NEDD4L: variants seen among roughly 807,000 people sequenced by gnomAD.
The protein encoded by NEDD4L is NEDD4 like E3 ubiquitin protein ligase.
In NEDD4L, 54 loss-of-function variants were observed where a neutral mutation model predicts 148.9. The observed-to-expected ratio is 0.36, with a 90% confidence interval of 0.29 to 0.45. The LOEUF is 0.45. NEDD4L is among the 20% of genes least tolerant of loss of function. The probability of loss-of-function intolerance (pLI) is 1.00; values close to 1 mark genes in which losing one functional copy is unlikely to be tolerated. For synonymous variants in NEDD4L, 433 were observed against 440.7 expected (o/e 0.98, Z 0.22); for missense variants, 856 against 1,233.8 (o/e 0.69, Z 4.59).
chr18:58,234,325 T>C (rs1225926156), intron 2 of NEDD4L, among the ~76,000 whole-genome samples: 1 of 118,020 alleles, frequency 8.5e-6, no homozygotes, highest in Non-Finnish European at 1.7e-5. Context: ...CCTCCCTCCT[T>C]CTCTCCCTCC....
Position 58,302,552 on chromosome 18 carries a change from T to G in NEDD4L, c.298-13430T>G, listed in dbSNP as rs141413006. Among the ~76,000 whole-genome samples, 517 of 152,334 alleles carry G rather than the reference T, an allele frequency of 3.4e-3. 1 individual carries two copies. Among genetic ancestry groups the G allele is most frequent in the Admixed American group, 5.9e-3 (90 of 15,310 alleles). Reference sequence around the variant, plus strand: ...GGCTTTCTGAAAATAACTGTATGCTTTCCAGTTGGCCAGCCTTGGCAGGGA... The same window carrying G: ...GGCTTTCTGAAAATAACTGTATGCTGTCCAGTTGGCCAGCCTTGGCAGGGA... On this transcript the variant is annotated intron_variant, in intron 5 of 30. Transcript: ENST00000400345.
intron 5 of NEDD4L, among the ~76,000 whole-genome samples, chr18:58,286,191 T>C (rs1292714067): frequency 6.6e-6 from 1 of 152,242 alleles, no homozygotes; most frequent in Non-Finnish European, 1.5e-5. Flanking sequence ...TTTGTGTTAA[T>C]GTAAACGTCG....
intron 22 of NEDD4L, among the ~76,000 whole-genome samples, chr18:58,369,139 A>G (rs1168716419): frequency 6.6e-6 from 1 of 152,218 alleles, no homozygotes; most frequent in Non-Finnish European, 1.5e-5. Context: ...CAGAGGAGAA[A>G]GTGACTTGGC....
rs150654426 is a variant in NEDD4L, at chr18:58,123,415, A to C, written c.49-42373A>C. 3.9e-3 allele frequency among the ~76,000 whole-genome samples: 595 copies of C among 152,218 alleles called. 14 individuals are homozygous for C. The highest frequency in any genetic ancestry group is 0.031 in the Admixed American group (481 of 15,294). ...CCGGGCTTTGCCAATCTGTGGACCC[A>C]CCACCTTTTCACCCCCTTTCCGGTG... On this transcript the variant is annotated intron_variant, in intron 1 of 30. Transcript: ENST00000400345.
At chr18:58,359,193 ACATTCT>A (rs1374975527) in intron 19 of NEDD4L, among the ~76,000 whole-genome samples, 1 of 151,880 alleles carries the variant, frequency 6.6e-6, no homozygotes, top group Non-Finnish European at 1.5e-5. Context: ...GTATATAACT[ACATTCT>A]CTTTCTCTGT....
At chr18:58,288,619 G>T (rs1027570708) in intron 5 of NEDD4L, among the ~76,000 whole-genome samples, 2 of 152,084 alleles carry the variant, frequency 1.3e-5, no homozygotes, top group Non-Finnish European at 2.9e-5. Context: ...AGGAAATTTT[G>T]GTTAATGTTA....
At chr18:58,331,292 C>G (rs979644422) in intron 11 of NEDD4L, among the ~76,000 whole-genome samples, 3 of 152,160 alleles carry the variant, frequency 2.0e-5, no homozygotes, top group Middle Eastern at 3.2e-3. Context: ...TTCACAGTAA[C>G]AATTAAAAGC....
chr18:58,266,472 A>G (rs150790786), intron 5 of NEDD4L, among the ~76,000 whole-genome samples: 2 of 152,124 alleles, frequency 1.3e-5, no homozygotes, highest in African/African-American at 4.8e-5. Flanking sequence ...GTGTCTAATT[A>G]TGTGCATATT....
chr18:58,236,837 A>G (rs892553318), intron 2 of NEDD4L, among the ~76,000 whole-genome samples: 2 of 152,184 alleles, frequency 1.3e-5, no homozygotes, highest in Non-Finnish European at 2.9e-5. Flanking sequence ...TAGCCCGACC[A>G]ACATGGAGAA....
intron 1 of NEDD4L, among the ~76,000 whole-genome samples, chr18:58,100,485 G>A (rs1158543656): frequency 2.6e-5 from 4 of 152,152 alleles, no homozygotes; most frequent in Non-Finnish European, 4.4e-5. Context: ...CCTTTTGAAC[G>A]CCAAGACCTT....
chr18:58,308,851 G>T (rs1382769144), intron 5 of NEDD4L, among the ~76,000 whole-genome samples: 1 of 152,200 alleles, frequency 6.6e-6, no homozygotes, highest in African/African-American at 2.4e-5. Flanking sequence ...GCCTTAGTGG[G>T]CATTACCTGA....
chr18:58,207,414 C>T (rs2042085595), intron 2 of NEDD4L, among the ~76,000 whole-genome samples: 1 of 151,668 alleles, frequency 6.6e-6, no homozygotes, highest in African/African-American at 2.4e-5. Flanking sequence ...GCTGTAGTTT[C>T]CTCCCTGAAG....
chr18:58,380,318 T>TTATTTATG (rs1363838229), intron 24 of NEDD4L, among the ~76,000 whole-genome samples: 2 of 150,086 alleles, frequency 1.3e-5, no homozygotes, highest in Non-Finnish European at 3.0e-5. Flanking sequence ...ATTTATTTAT[T>TTATTTATG]TATTTATTTA....
At chr18:58,356,731 C>A (rs890986558) in intron 18 of NEDD4L, among the ~76,000 whole-genome samples, 2 of 152,028 alleles carry the variant, frequency 1.3e-5, no homozygotes, top group African/African-American at 4.8e-5. Context: ...ATGCAGGATT[C>A]TTAATTGAAA....
At position 58,334,947 on chromosome 18, in the gene NEDD4L, T is replaced by A. The variant is rs373455588; in HGVS notation, c.1066-531T>A. Among the ~76,000 whole-genome samples, 13 of 152,312 alleles carry A rather than the reference T, an allele frequency of 8.5e-5. No individual in the cohort carries two copies. The East Asian group carries it at 2.5e-3, about 29-fold the overall frequency. On this transcript the variant is annotated intron_variant, in intron 12 of 30. Coordinates refer to ENST00000400345, the MANE Select transcript of NEDD4L (RefSeq NM_001144967.3). ...GGCTCCCAAAAACAAAATAATCAAC[T>A]GAGATGGACTGGTAGGATCCTTCTC... is the stretch of plus-strand genomic sequence containing the variant.
intron 5 of NEDD4L, among the ~76,000 whole-genome samples, chr18:58,279,382 A>C (rs937773382): frequency 1.2e-4 from 19 of 152,216 alleles, no homozygotes; most frequent in Admixed American, 6.5e-5. Context: ...AGGATTGAGG[A>C]TGCTGAAAGG....
chr18:58,388,540 C>T (rs2043265), intron 27 of NEDD4L: 17,311 of 152,326 alleles, frequency 0.11, 1,223 homozygotes, highest in South Asian at 0.26. Context: ...ATAATAGGAA[C>T]GGCAAACCTT....
chr18:58,163,687 C>T (rs1444591029), intron 1 of NEDD4L, among the ~76,000 whole-genome samples: 1 of 152,090 alleles, frequency 6.6e-6, no homozygotes, highest in Non-Finnish European at 1.5e-5. Context: ...TGTTCTTTAC[C>T]GTATTATGAG....
chr18:58,077,733 A>T (rs573507381), intron 1 of NEDD4L, among the ~76,000 whole-genome samples: 2 of 152,128 alleles, frequency 1.3e-5, no homozygotes, highest in African/African-American at 4.8e-5. Context: ...GCTAATCCTC[A>T]CCTAAAATGC....
Sources: allele counts gnomAD v4.1 joint callset (sites outside exome capture counted in the v4.1 genomes callset), GRCh38; gene constraint gnomAD v4.1.1; transcripts MANE v1.5; gene names NCBI Gene and HGNC (gene_info 2026-07-23, HGNC 2026-07-21).